CNNM2: variants seen among roughly 807,000 people sequenced by gnomAD.
CNNM2 encodes the protein cyclin and CBS domain divalent metal cation transport mediator 2, also known as metal transporter CNNM2.
In CNNM2, 12 loss-of-function variants were observed where a neutral mutation model predicts 66.9. The ratio of observed to expected loss-of-function variants is 0.18; its 90% CI spans 0.11 to 0.29. CNNM2 has a LOEUF of 0.29. CNNM2 is among the 10% of genes least tolerant of loss of function. The pLI is 1.00. For missense variants in CNNM2, 705 were observed against 1,167.7 expected, an observed-to-expected ratio of 0.60 and a Z score of 5.77; for synonymous variants, 557 against 501.8, an observed-to-expected ratio of 1.11 and a Z score of -1.47.
chr10:102,947,870 G>GA (rs756165957), intron 1 of CNNM2, among the ~76,000 whole-genome samples: 16 of 152,058 alleles, frequency 1.1e-4, no homozygotes, highest in Non-Finnish European at 1.3e-4. Flanking sequence ...CTAACACGGT[G>GA]AAACCCTGTC....
Position 103,079,225 on chromosome 10 carries a change from G to A in CNNM2, c.*2045G>A, listed in dbSNP as rs945060698. 3 of 152,266 alleles carry A rather than the reference G, an allele frequency of 2.0e-5. No individual in the cohort carries two copies. Among genetic ancestry groups the A allele is most frequent in the South Asian group, 2.1e-4 (1 of 4,836 alleles). 9.4% of individuals were successfully genotyped at this position (152,266 alleles called of 1,614,324 possible). A position where few individuals can be genotyped will look rare whatever the true frequency, so the allele number is the denominator to read the frequency against. The stretch of plus-strand genomic sequence containing the variant: ...TGAGCACAACACCAGTGTGATGAGT[G>A]TATAAAGATGAGGGGTCCTTGCAAC... On this transcript the variant is annotated 3_prime_UTR_variant, in exon 8 of 8. Coordinates refer to ENST00000369878, the MANE Select transcript of CNNM2 (RefSeq NM_017649.5).
chr10:103,077,036 A>C lies in CNNM2; in HGVS notation c.2484A>C (p.Ser828=). ...GGATGGACAAAACCCCCCAGTCTTCAGACAGTGAAAACACTAAAATCGAAT... is the reference window on the plus strand; with the variant it reads ...GGATGGACAAAACCCCCCAGTCTTCCGACAGTGAAAACACTAAAATCGAAT... ...ASRMDKTPQS[S]DSENTKIELT... The change falls in exon 8 of 8, where the codon TCA becomes TCC. Residue 828 remains serine, a synonymous_variant. Transcript: ENST00000369878. The C allele has an allele frequency of 3.1e-6, 5 of 1,614,008 alleles. No homozygotes were observed. Among genetic ancestry groups the C allele is most frequent in the Non-Finnish European group, 3.4e-6 (4 of 1,179,890 alleles).
intron 1 of CNNM2, among the ~76,000 whole-genome samples, chr10:102,961,254 A>G (rs1240252007): frequency 3.3e-5 from 5 of 152,182 alleles, no homozygotes; most frequent in African/African-American, 1.2e-4. Context: ...TTCTCCATCA[A>G]ATAATGTAAC....
At chr10:102,931,820 G>A in intron 1 of CNNM2, among the ~76,000 whole-genome samples, 1 of 145,028 alleles carries the variant, frequency 6.9e-6, no homozygotes, top group Non-Finnish European at 1.5e-5. Context: ...AATTTCTCCA[G>A]CATCCTCACC....
chr10:103,039,411 T>C (rs2134314616), intron 1 of CNNM2, among the ~76,000 whole-genome samples: 1 of 152,256 alleles, frequency 6.6e-6, no homozygotes, highest in East Asian at 1.9e-4. Flanking sequence ...TGCTGGGATT[T>C]CAGGTGTGAC....
At position 102,918,626 on chromosome 10, in the gene CNNM2, T is replaced by C; in HGVS notation, c.146T>C (p.Leu49Pro). ...CTGCAGGCGGCTGCGGGGCGGCTGCTGCCGCTGCTCCTGCTGAGCTGCTGC... is the reference window on the plus strand; with the variant it reads ...CTGCAGGCGGCTGCGGGGCGGCTGCCGCCGCTGCTCCTGCTGAGCTGCTGC... ...GILQAAAGRL[L>P]PLLLLSCCCG... Residue 49 changes from leucine (L) to proline (P), a missense_variant, in exon 1 of 8, where the codon CTG becomes CCG. Physicochemically the swap from Leu to Pro is moderately conservative, Grantham distance 98 (BLOSUM62 -3). Transcript: ENST00000369878. This position sits in a 1 kb window ranked among gnomAD's most constrained non-coding sequence, Gnocchi z 4.1. 2 of 1,543,902 alleles carry C rather than the reference T, an allele frequency of 1.3e-6. No individual in the cohort carries two copies. The highest frequency in any genetic ancestry group is 1.7e-6 in the Non-Finnish European group (2 of 1,145,710).
At chr10:102,984,933 A>G (rs1230611094) in intron 1 of CNNM2, among the ~76,000 whole-genome samples, 1 of 152,228 alleles carries the variant, frequency 6.6e-6, no homozygotes, top group East Asian at 1.9e-4. Flanking sequence ...AGGCTTGACC[A>G]CTGTGCCCGG....
At chr10:103,068,987 C>T (rs2065528100) in intron 5 of CNNM2, among the ~76,000 whole-genome samples, 2 of 152,338 alleles carry the variant, frequency 1.3e-5, no homozygotes, top group African/African-American at 2.4e-5. Flanking sequence ...CATCACGCTC[C>T]CTTTTAGTCA....
At chr10:103,018,851 G>A (rs932630713) in intron 1 of CNNM2, among the ~76,000 whole-genome samples, 8 of 150,966 alleles carry the variant, frequency 5.3e-5, no homozygotes, top group African/African-American at 1.9e-4. Flanking sequence ...TAGAGGTCGG[G>A]TTTCACCATG....
At chr10:102,921,863 TC>T (rs1186321477) in intron 1 of CNNM2, among the ~76,000 whole-genome samples, 1 of 152,208 alleles carries the variant, frequency 6.6e-6, no homozygotes, top group Non-Finnish European at 1.5e-5. Flanking sequence ...CACTTCTATA[TC>T]TTTTTACCTT....
intron 2 of CNNM2, among the ~76,000 whole-genome samples, chr10:103,052,294 A>AAC (rs1554904144): frequency 7.3e-5 from 11 of 151,194 alleles, no homozygotes; most frequent in African/African-American, 2.2e-4. Flanking sequence ...AAAAAAACAA[A>AAC]AAAAAAAAAA....
chr10:103,072,605 G>A (rs1268811145), intron 6 of CNNM2, among the ~76,000 whole-genome samples: 1 of 152,266 alleles, frequency 6.6e-6, no homozygotes, highest in African/African-American at 2.4e-5. Context: ...GCTGCCGACT[G>A]CCCTGCAGGA....
intron 1 of CNNM2, among the ~76,000 whole-genome samples, chr10:102,929,879 T>A (rs750493491): frequency 3.2e-4 from 49 of 152,338 alleles, no homozygotes; most frequent in Non-Finnish European, 5.7e-4. Context: ...AAAGATAAAA[T>A]ATTTTAACAC....
At chr10:103,032,636 G>A (rs1403337888) in intron 1 of CNNM2, among the ~76,000 whole-genome samples, 1 of 145,804 alleles carries the variant, frequency 6.9e-6, no homozygotes, top group Non-Finnish European at 1.5e-5. Flanking sequence ...TTTTAGAGTA[G>A]CCTTTCATAA....
At chr10:102,939,190 G>A (rs965506133) in intron 1 of CNNM2, among the ~76,000 whole-genome samples, 2 of 152,184 alleles carry the variant, frequency 1.3e-5, no homozygotes, top group Non-Finnish European at 2.9e-5. Context: ...ATCCCAGCCA[G>A]GTTGAAGGTT....
At position 103,071,755 on chromosome 10, in the gene CNNM2, GT is replaced by G. The variant is rs773415695; in HGVS notation, c.2168-14del. 1 of 1,610,874 alleles carries G rather than the reference GT, an allele frequency of 6.2e-7. No homozygotes were observed. Among genetic ancestry groups the G allele is most frequent in the South Asian group, 1.1e-5 (1 of 90,996 alleles). On this transcript the variant is annotated intron_variant, in intron 5 of 7. Coordinates refer to ENST00000369878, the MANE Select transcript of CNNM2 (RefSeq NM_017649.5). ...TTGCCTTTTGATGCGATCTCACCCTGTTTTTCTCCATTTTTCAGTTCCTTTG... is the reference window on the plus strand; with the variant it reads ...TTGCCTTTTGATGCGATCTCACCCTGTTTTCTCCATTTTTCAGTTCCTTTG...
rs1321373784 is a variant in CNNM2 at position 103,083,202 on chromosome 10, A to C, written c.*6022A>C. ...ATTCAGAGCTGTGTACATAAACCTA[A>C]ATAAGCACAAATGACATGTATAGGA... is the stretch of plus-strand genomic sequence containing the variant. On this transcript the variant is annotated 3_prime_UTR_variant, in exon 8 of 8. Coordinates refer to ENST00000369878, the MANE Select transcript of CNNM2 (RefSeq NM_017649.5). 1 of 152,218 alleles carries C rather than the reference A, an allele frequency of 6.6e-6. No homozygotes were observed. Among genetic ancestry groups the C allele is most frequent in the Non-Finnish European group, 1.5e-5 (1 of 68,046 alleles). The allele number at this position is 152,218 out of a possible 1,614,324, so 9.4% of individuals were successfully genotyped here.
chr10:102,978,672 CAT>C (rs372674068), intron 1 of CNNM2, among the ~76,000 whole-genome samples: 140 of 152,288 alleles, frequency 9.2e-4, no homozygotes, highest in African/African-American at 2.8e-3. Flanking sequence ...CAAAAATGCA[CAT>C]GTTATGAGTT....
At chr10:102,969,425 G>C (rs963347695) in intron 1 of CNNM2, among the ~76,000 whole-genome samples, 1 of 150,294 alleles carries the variant, frequency 6.7e-6, no homozygotes, top group Non-Finnish European at 1.5e-5. Flanking sequence ...TGTTGGCCAG[G>C]CTGGTCTCGA....
Sources: allele counts gnomAD v4.1 joint callset (sites outside exome capture counted in the v4.1 genomes callset), GRCh38; gene constraint gnomAD v4.1.1; non-coding constraint Gnocchi (gnomAD v3.1); transcripts MANE v1.5; gene names NCBI Gene and HGNC (gene_info 2026-07-23, HGNC 2026-07-21).